Variants in CBFA2T2 observed in about 807,000 individuals in gnomAD.
The protein encoded by CBFA2T2 is protein CBFA2T2.
CBFA2T2 carries 11 observed loss-of-function variants against 62.2 expected under a neutral mutation model. The ratio of observed to expected loss-of-function variants is 0.18; its 90% confidence interval spans 0.11 to 0.29. CBFA2T2 has a LOEUF of 0.29. Among genes scored for constraint, CBFA2T2 ranks in the 10% least tolerant of loss-of-function variants. The pLI is 1.00. For synonymous variants in CBFA2T2, 295 were observed against 287.5 expected (o/e 1.03, Z -0.27); for missense variants, 592 against 774.1 (o/e 0.76, Z 2.79).
chr20:33,623,061 C>A, intron 4 of CBFA2T2, 54 bp from the exon 5 acceptor site: 1 of 1,574,684 alleles, frequency 6.4e-7, no homozygotes, highest in Non-Finnish European at 8.7e-7. Context: ...CTTTGAGGTG[C>A]TGAGCCTTCT....
intron 1 of CBFA2T2, among the ~76,000 whole-genome samples, chr20:33,601,324 G>A (rs2015125447): frequency 6.6e-6 from 1 of 152,150 alleles, no homozygotes; most frequent in Admixed American, 6.5e-5. Context: ...GAGTGCAGTG[G>A]TGCGGTCTTG....
rs775058249 is a variant in CBFA2T2 at position 33,644,594 on chromosome 20, C to T, written c.1736C>T (p.Ser579Leu). 5.0e-6 allele frequency: 8 copies of T among 1,612,552 alleles called. No homozygotes were observed. The highest frequency in any genetic ancestry group is 2.7e-5 in the African/African-American group (2 of 74,930). The change falls in exon 11 of 11, where the codon TCG becomes TTG. Residue 579 changes from serine (S) to leucine (L), a missense_variant. Around this residue, in one of 3 missense-constraint regions of CBFA2T2, gnomAD observed 85 missense variants for 99.0 expected, o/e 0.86. Coordinates refer to ENST00000342704, the MANE Select transcript of CBFA2T2 (RefSeq NM_001032999.3). ...CTCGACAAGACCTCGGCAACCACAT[C>T]GCGTTCCTCAACACCTGCTTCTGTG... ...PALDKTSATT[S>L]RSSTPASVTA...
Position 33,629,808 on chromosome 20 carries a change from C to T in CBFA2T2, c.1122C>T (p.Leu374=). 1 of 1,614,020 alleles carries T rather than the reference C, an allele frequency of 6.2e-7. No homozygotes were observed. Among genetic ancestry groups the T allele is most frequent in the East Asian group, 2.2e-5 (1 of 44,884 alleles). ...GTCAGGAATCAGATCGTGAAGAACT[C>T]AACTACTGGAAAAGACGGTACAATG... ...RRCQESDREE[L]NYWKRRYNEN... is the part of the protein sequence containing the mutation. Residue 374 remains leucine (L), a synonymous_variant, in exon 8 of 11, where the codon CTC becomes CTT. Transcript: ENST00000342704.
intron 1 of CBFA2T2, among the ~76,000 whole-genome samples, chr20:33,604,677 A>G (rs1601048849): frequency 6.6e-6 from 1 of 152,196 alleles, no homozygotes; most frequent in East Asian, 1.9e-4. Flanking sequence ...GACTGTTAAA[A>G]CTCATCTCAC....
At chr20:33,636,609 T>C in intron 8 of CBFA2T2, 31 bp from the exon 9 acceptor site, 2 of 1,565,596 alleles carry the variant, frequency 1.3e-6, no homozygotes, top group Non-Finnish European at 8.8e-7. Flanking sequence ...AGACAGCTTC[T>C]GACCCTATGC....
chr20:33,543,361 A>G (rs1219109298), intron 1 of CBFA2T2, among the ~76,000 whole-genome samples: 1 of 152,238 alleles, frequency 6.6e-6, no homozygotes, highest in African/African-American at 2.4e-5. Flanking sequence ...TTATAGGGAA[A>G]ACCAGAATAA....
At chr20:33,593,239 G>A (rs1045522652) in intron 1 of CBFA2T2, among the ~76,000 whole-genome samples, 5 of 152,146 alleles carry the variant, frequency 3.3e-5, no homozygotes, top group Admixed American at 2.6e-4. Context: ...GGCTGAGGCA[G>A]GAGAATTGCT....
At chr20:33,623,944 G>T in intron 5 of CBFA2T2, 1 of 394,718 alleles carries the variant, frequency 2.5e-6, no homozygotes, top group East Asian at 3.8e-5. Context: ...GCTGTTTGTA[G>T]AAAGAATTGG....
intron 1 of CBFA2T2, among the ~76,000 whole-genome samples, chr20:33,556,945 A>G (rs1200197539): frequency 6.8e-6 from 1 of 147,766 alleles, no homozygotes; most frequent in African/African-American, 2.5e-5. Flanking sequence ...TTCTTTTGAC[A>G]TACCCCTGTC....
chr20:33,519,325 C>T, intron 1 of CBFA2T2, among the ~76,000 whole-genome samples: 1 of 152,042 alleles, frequency 6.6e-6, no homozygotes, highest in South Asian at 2.1e-4. Context: ...CAAAAATTAG[C>T]CCGGTGCAGT....
rs1163406791 is a variant in CBFA2T2 at position 33,646,681 on chromosome 20, C to T, written c.*2035C>T. 6.6e-6 allele frequency: 1 copy of T among 151,656 alleles called. No individual in the cohort carries two copies. Among genetic ancestry groups the T allele is most frequent in the East Asian group, 1.9e-4 (1 of 5,152 alleles). 9.4% of individuals were successfully genotyped at this position (151,656 alleles called of 1,614,324 possible). On this transcript the variant is annotated 3_prime_UTR_variant, in exon 11 of 11. Coordinates refer to ENST00000342704, the MANE Select transcript of CBFA2T2 (RefSeq NM_001032999.3). ...GACCAACCTGGCCAACATGGTGAAA[C>T]CCTGTCTCTAATAAAAAAAAAATAG...
chr20:33,530,606 G>GGGGT (rs1180475400), intron 1 of CBFA2T2, among the ~76,000 whole-genome samples: 1 of 151,188 alleles, frequency 6.6e-6, no homozygotes, highest in Non-Finnish European at 1.5e-5. Flanking sequence ...TTGTAAAGAC[G>GGGGT]GGGTTTCACT....
chr20:33,556,262 A>G (rs2012895708), intron 1 of CBFA2T2, among the ~76,000 whole-genome samples: 1 of 152,186 alleles, frequency 6.6e-6, no homozygotes, highest in Admixed American at 6.6e-5. Context: ...TTTTGAATAC[A>G]GACCAGTTGT....
chr20:33,511,171 T>C (rs1394267736), intron 1 of CBFA2T2, among the ~76,000 whole-genome samples: 1 of 152,228 alleles, frequency 6.6e-6, no homozygotes, highest in African/African-American at 2.4e-5. Flanking sequence ...TGGCTTTTGT[T>C]GCCATTGCTT....
At chr20:33,507,451 T>G (rs2011423104) in intron 1 of CBFA2T2, among the ~76,000 whole-genome samples, 1 of 152,208 alleles carries the variant, frequency 6.6e-6, no homozygotes, top group African/African-American at 2.4e-5. Context: ...AGCCAATCTG[T>G]TTTTCCTTAC....
chr20:33,564,125 A>G (rs2013194221), intron 1 of CBFA2T2, among the ~76,000 whole-genome samples: 1 of 152,178 alleles, frequency 6.6e-6, no homozygotes, highest in African/African-American at 2.4e-5. Context: ...ACTTTAAAAA[A>G]TATTTTTATT....
At chr20:33,544,402 C>T (rs1247666565) in intron 1 of CBFA2T2, among the ~76,000 whole-genome samples, 2 of 152,142 alleles carry the variant, frequency 1.3e-5, no homozygotes, top group Non-Finnish European at 2.9e-5. Context: ...TTATTTAAAA[C>T]TGTGCCCCAT....
chr20:33,578,345 A>G (rs1192784320), intron 1 of CBFA2T2, among the ~76,000 whole-genome samples: 2 of 152,222 alleles, frequency 1.3e-5, no homozygotes. Flanking sequence ...TAAGGCTGTG[A>G]GCAAATAGAG....
intron 1 of CBFA2T2, among the ~76,000 whole-genome samples, chr20:33,568,234 AT>A (rs2013418559): frequency 6.6e-6 from 1 of 152,172 alleles, no homozygotes; most frequent in African/African-American, 2.4e-5. Flanking sequence ...ACTCAATAAG[AT>A]TTCTCTTTCC....
Sources: allele counts gnomAD v4.1 joint callset (sites outside exome capture counted in the v4.1 genomes callset), GRCh38; gene constraint gnomAD v4.1.1; regional missense constraint gnomAD v4.1.1; transcripts MANE v1.5; gene names NCBI Gene and HGNC (gene_info 2026-07-23, HGNC 2026-07-21).